The following PLAGL1 variants were observed in gnomAD, a reference collection of about 807,000 sequenced individuals.
The protein encoded by PLAGL1 is zinc finger protein PLAGL1.
Under a neutral mutation model 4.6 loss-of-function variants are expected in PLAGL1, and 1 was observed. That is an observed-to-expected ratio of 0.22 (90% confidence interval 0.08 to 1.03). The LOEUF (loss-of-function observed/expected upper bound fraction) is 1.03. Ranked by LOEUF, PLAGL1 falls within the 50% of genes least tolerant of loss-of-function variation. PLAGL1 has a pLI of 0.58. For synonymous variants in PLAGL1, 240 were observed against 237.8 expected (o/e 1.01, Z -0.08); for missense variants, 464 against 570.4 (o/e 0.81, Z 1.90).
Position 143,955,079 on chromosome 6 carries a change from T to C in PLAGL1, c.-325+5390A>G, listed in dbSNP as rs1047866061. ...TGGACAGAATACAATTACATTGCTC[T>C]ATAATGACATATGCATGAAAACAGA... is the stretch of plus-strand genomic sequence containing the variant. On this transcript the variant is annotated intron_variant, in intron 6 of 7. Coordinates refer to ENST00000674357, the MANE Select transcript of PLAGL1 (RefSeq NM_001317162.2). This position sits in a 1 kb window ranked among gnomAD's most constrained non-coding sequence, Gnocchi z 4.9. Among the ~76,000 whole-genome samples the C allele has an allele frequency of 1.3e-5, 2 of 152,248 alleles. No homozygotes were observed. Among genetic ancestry groups the C allele is most frequent in the Non-Finnish European group, 2.9e-5 (2 of 68,042 alleles).
chr6:144,042,786 T>C (rs1407739315), intron 1 of PLAGL1, among the ~76,000 whole-genome samples: 5 of 152,236 alleles, frequency 3.3e-5, no homozygotes, highest in Non-Finnish European at 5.9e-5. Context: ...TTTCATGATA[T>C]TGATTCTTCC....
intron 1 of PLAGL1, among the ~76,000 whole-genome samples, chr6:144,054,386 G>A (rs1358622636): frequency 1.3e-5 from 2 of 152,044 alleles, no homozygotes; most frequent in Non-Finnish European, 2.9e-5. Flanking sequence ...AAGAAAATGT[G>A]GTACATATAT....
rs140206612 is a variant in PLAGL1, at chr6:144,027,850, A to G, written c.-151+36618T>C. Among the ~76,000 whole-genome samples, 230 of 152,356 alleles carry G rather than the reference A, an allele frequency of 1.5e-3. 1 individual carries two copies. Among genetic ancestry groups the G allele is most frequent in the Admixed American group, 2.3e-3 (35 of 15,310 alleles). The stretch of plus-strand genomic sequence containing the variant: ...TGCAAATATGTGCACAGACTCACAT[A>G]TAAGGTCCTAAAGAAAGGATTTTGC... On this transcript the variant is annotated intron_variant, in intron 1 of 3. Coordinates refer to the PLAGL1 transcript ENST00000437412. The surrounding 1 kb of genome is among the most constrained non-coding windows in gnomAD (Gnocchi z 5.8).
At chr6:144,033,387 G>A (rs1231751749) in intron 1 of PLAGL1, among the ~76,000 whole-genome samples, 4 of 152,214 alleles carry the variant, frequency 2.6e-5, no homozygotes, top group Non-Finnish European at 4.4e-5. Flanking sequence ...TGGAAGTGGT[G>A]TGCTGTTGTA....
At chr6:144,024,417 T>C (rs889113130) in intron 1 of PLAGL1, among the ~76,000 whole-genome samples, 1 of 152,232 alleles carries the variant, frequency 6.6e-6, no homozygotes, top group Non-Finnish European at 1.5e-5. Context: ...GATCATTGAG[T>C]CATGGGGGCA....
rs1428167100 is a variant in PLAGL1, at chr6:144,059,504, T to A, written c.-151+4964A>T. 1.3e-5 allele frequency among the ~76,000 whole-genome samples: 2 copies of A among 152,240 alleles called. No homozygotes were observed. Among genetic ancestry groups the A allele is most frequent in the African/African-American group, 2.4e-5 (1 of 41,466 alleles). ...TCAATTCCCTTTCCTGGGGACCCTG[T>A]GACCTCCTGCTCTGTAACCTCCCTT... On this transcript the variant is annotated intron_variant, in intron 1 of 3. Transcript: ENST00000437412. This position sits in a 1 kb window ranked among gnomAD's most constrained non-coding sequence, Gnocchi z 4.9.
Position 143,963,138 on chromosome 6 carries a change from A to G in PLAGL1, c.-399+1649T>C, listed in dbSNP as rs965640606. ...TATGAAGGGGTTGCTGGAAGTTGGAATAGATTTGTGGGCCTGGCAGCTGGT... is the reference window on the plus strand; with the variant it reads ...TATGAAGGGGTTGCTGGAAGTTGGAGTAGATTTGTGGGCCTGGCAGCTGGT... On this transcript the variant is annotated intron_variant, in intron 5 of 7. Coordinates refer to ENST00000674357, the MANE Select transcript of PLAGL1 (RefSeq NM_001317162.2). This position sits in a 1 kb window ranked among gnomAD's most constrained non-coding sequence, Gnocchi z 6.1. Among the ~76,000 whole-genome samples, 1 of 152,184 alleles carries G rather than the reference A, an allele frequency of 6.6e-6. No homozygotes were observed. The highest frequency in any genetic ancestry group is 1.5e-5 in the Non-Finnish European group (1 of 68,036).
intron 6 of PLAGL1, among the ~76,000 whole-genome samples, chr6:143,956,491 G>A (rs1782169528): frequency 6.6e-6 from 1 of 152,194 alleles, no homozygotes; most frequent in Admixed American, 6.5e-5. Flanking sequence ...AAAACTTGAT[G>A]TTGGTAAATA....
At chr6:144,049,736 AT>A (rs1798445336) in intron 1 of PLAGL1, among the ~76,000 whole-genome samples, 1 of 152,214 alleles carries the variant, frequency 6.6e-6, no homozygotes, top group Non-Finnish European at 1.5e-5. Context: ...TCAAGATGAG[AT>A]TTGGGTGGGG....
chr6:144,062,470 CAAAAAA>C (rs543521128), intron 1 of PLAGL1, among the ~76,000 whole-genome samples: 6 of 75,722 alleles, frequency 7.9e-5, no homozygotes, highest in South Asian at 5.6e-4. Flanking sequence ...GTTATCAGAC[CAAAAAA>C]AAAAAAAAAA....
At position 143,982,783 on chromosome 6, in the gene PLAGL1, AAG is replaced by A. The variant is rs1444864098; in HGVS notation, c.-544+2350_-544+2351del. Among the ~76,000 whole-genome samples, 1 of 152,118 alleles carries A rather than the reference AAG, an allele frequency of 6.6e-6. No individual in the cohort carries two copies. The highest frequency in any genetic ancestry group is 1.5e-5 in the Non-Finnish European group (1 of 68,014). ...GGCACCTGGCCTGTGCAACTGGAAG[AAG>A]AGTCTTCCTCATCTCGGTAAATGGC... is the stretch of plus-strand genomic sequence containing the variant. On this transcript the variant is annotated intron_variant, in intron 2 of 7. Coordinates refer to ENST00000674357, the MANE Select transcript of PLAGL1 (RefSeq NM_001317162.2). This position sits in a 1 kb window ranked among gnomAD's most constrained non-coding sequence, Gnocchi z 5.3.
chr6:143,993,019 CAG>C (rs1259510692), intron 1 of PLAGL1, among the ~76,000 whole-genome samples: 1 of 149,244 alleles, frequency 6.7e-6, no homozygotes, highest in Non-Finnish European at 1.5e-5. Context: ...CAGAAAAAAA[CAG>C]AAAACGGCCG....
intron 1 of PLAGL1, among the ~76,000 whole-genome samples, chr6:144,024,333 T>G (rs1218138158): frequency 6.6e-6 from 1 of 152,148 alleles, no homozygotes; most frequent in Non-Finnish European, 1.5e-5. Context: ...GATGATATGG[T>G]TTGGCTGTGT....
chr6:144,009,788 G>A (rs1424721091), upstream of PLAGL1, among the ~76,000 whole-genome samples: 5 of 151,920 alleles, frequency 3.3e-5, no homozygotes, highest in Non-Finnish European at 7.4e-5. Context: ...CTGTTCCTGT[G>A]TTAGTTTGCT....
chr6:143,979,548 G>C lies in PLAGL1; in HGVS notation c.-544+5587C>G, dbSNP rs1171499181. 1.3e-5 allele frequency among the ~76,000 whole-genome samples: 2 copies of C among 151,744 alleles called. No homozygotes were observed. The highest frequency in any genetic ancestry group is 2.9e-5 in the Non-Finnish European group (2 of 67,882). On this transcript the variant is annotated intron_variant, in intron 2 of 7. Transcript: ENST00000674357. This position sits in a 1 kb window ranked among gnomAD's most constrained non-coding sequence, Gnocchi z 4.6. ...TATAGTTATATCTTTAACTTACCATGGTGTACTTCCAAGGGATATACCAGT... is the reference window on the plus strand; with the variant it reads ...TATAGTTATATCTTTAACTTACCATCGTGTACTTCCAAGGGATATACCAGT...
At chr6:144,002,620 C>G (rs184929852) in intron 1 of PLAGL1, among the ~76,000 whole-genome samples, 26 of 152,036 alleles carry the variant, frequency 1.7e-4, no homozygotes, top group Admixed American at 1.6e-3. Context: ...AATTTTGTTT[C>G]CATACACTAG....
At chr6:144,062,079 A>T (rs931928347) in intron 1 of PLAGL1, among the ~76,000 whole-genome samples, 4 of 152,194 alleles carry the variant, frequency 2.6e-5, no homozygotes, top group Non-Finnish European at 4.4e-5. Context: ...TAGCAAACTT[A>T]AAAAACAGAC....
In PLAGL1 at chr6:143,948,743, A is replaced by G. The variant is rs927963273; in HGVS notation, c.-324-283T>C. Among the ~76,000 whole-genome samples, 2 of 147,280 alleles carry G rather than the reference A, an allele frequency of 1.4e-5. No individual in the cohort carries two copies. Among genetic ancestry groups the G allele is most frequent in the Admixed American group, 1.4e-4 (2 of 14,342 alleles). On this transcript the variant is annotated intron_variant, in intron 6 of 7. Coordinates refer to ENST00000674357, the MANE Select transcript of PLAGL1 (RefSeq NM_001317162.2). The surrounding 1 kb of genome is among the most constrained non-coding windows in gnomAD (Gnocchi z 6.0). The stretch of plus-strand genomic sequence containing the variant: ...TATTATCTATTTCAGGTCAGTGTGA[A>G]GCTCCATTGACCAAAGAGAAAAACA...
chr6:143,945,560 C>T lies in PLAGL1; in HGVS notation c.152+2425G>A, dbSNP rs1031909889. 6.6e-6 allele frequency among the ~76,000 whole-genome samples: 1 copy of T among 152,182 alleles called. No homozygotes were observed. The highest frequency in any genetic ancestry group is 2.4e-5 in the African/African-American group (1 of 41,438). Reference sequence around the variant, plus strand: ...GCTCGATGTCAGCTCACTGCAACCTCTGCCTCCCGGGTTCAAGTGATCCTC... The same window carrying T: ...GCTCGATGTCAGCTCACTGCAACCTTTGCCTCCCGGGTTCAAGTGATCCTC... On this transcript the variant is annotated intron_variant, in intron 7 of 7. Transcript: ENST00000674357. The surrounding 1 kb of genome is among the most constrained non-coding windows in gnomAD (Gnocchi z 4.2).
Sources: gnomAD v4.1 joint callset for allele counts (sites outside exome capture counted in the v4.1 genomes callset) on GRCh38, gnomAD v4.1.1 for gene constraint, Gnocchi (gnomAD v3.1) non-coding constraint, MANE v1.5 for transcripts, NCBI Gene and HGNC (gene_info 2026-07-23, HGNC 2026-07-21) for gene names.